The following ZNF223 variants were observed in gnomAD, a reference collection of about 807,000 sequenced individuals.
ZNF223 encodes the protein zinc finger protein 223.
ZNF223 carries 9 observed loss-of-function variants against 12.3 expected under a neutral mutation model. The observed-to-expected ratio is 0.73, with a 90% CI of 0.44 to 1.28. The LOEUF (loss-of-function observed/expected upper bound fraction) is 1.28. ZNF223 is among the 50% of genes most tolerant of loss of function. ZNF223 has a pLI of 0.00. For missense variants in ZNF223, 506 were observed against 579.0 expected, an observed-to-expected ratio of 0.87 and a Z score of 1.29; for synonymous variants, 171 against 195.2, an observed-to-expected ratio of 0.88 and a Z score of 1.03.
chr19:44,065,220 T>C (rs1976890109), intron 4 of ZNF223, among the ~76,000 whole-genome samples: 2 of 152,238 alleles, frequency 1.3e-5, no homozygotes, highest in African/African-American at 4.8e-5. Context: ...TCTCAGATAC[T>C]GAGGACAAAG....
chr19:44,065,912 G>A, intron 4 of ZNF223, 152 bp from the exon 5 acceptor site: 1 of 1,349,018 alleles, frequency 7.4e-7, no homozygotes, highest in Non-Finnish European at 9.8e-7. Context: ...TATGGTTTTA[G>A]ATTACTCTCA....
intron 1 of ZNF223, among the ~76,000 whole-genome samples, chr19:44,052,400 GTC>G (rs1976712797): frequency 6.6e-6 from 1 of 152,176 alleles, no homozygotes; most frequent in Non-Finnish European, 1.5e-5. Context: ...GAATGTTAAT[GTC>G]TCTGTACTTC....
rs780840827 is a variant in ZNF223 at position 44,066,257 on chromosome 19, A to C, written c.429A>C (p.Thr143=). ...QVEEGLSIMH[T]GQKPSNCGKC... is the part of the protein sequence containing the mutation. ...AGGAAGGACTATCTATAATGCACACAGGACAGAAACCTTCCAATTGTGGGA... is the reference window on the plus strand; with the variant it reads ...AGGAAGGACTATCTATAATGCACACCGGACAGAAACCTTCCAATTGTGGGA... Residue 143 remains threonine (T), a synonymous_variant, in exon 5 of 5, where the codon ACA becomes ACC. Coordinates refer to ENST00000434772, the MANE Select transcript of ZNF223 (RefSeq NM_013361.6). 3.7e-6 allele frequency: 6 copies of C among 1,614,158 alleles called. No homozygotes were observed. The East Asian group carries it at 1.3e-4, about 36-fold the overall frequency.
At chr19:44,061,739 C>A (rs1459478713) in intron 4 of ZNF223, among the ~76,000 whole-genome samples, 1 of 152,210 alleles carries the variant, frequency 6.6e-6, no homozygotes, top group Non-Finnish European at 1.5e-5. Context: ...CTTTCAGGAA[C>A]AATTATGTTC....
chr19:44,055,261 TGC>T, intron 2 of ZNF223, 70 bp downstream of exon 2: 1 of 1,565,412 alleles, frequency 6.4e-7, no homozygotes, highest in African/African-American at 1.3e-5. Context: ...TGTTTTTCTC[TGC>T]CCTGGGAAGA....
chr19:44,055,128 G>A lies in ZNF223; in HGVS notation c.-49G>A. 1 of 1,603,422 alleles carries A rather than the reference G, an allele frequency of 6.2e-7. No individual in the cohort carries two copies. The highest frequency in any genetic ancestry group is 8.5e-7 in the Non-Finnish European group (1 of 1,171,720). On this transcript the variant is annotated 5_prime_UTR_variant, in exon 2 of 5. An upstream open reading frame in the 5' UTR gains an earlier in-frame stop. Coordinates refer to ENST00000434772, the MANE Select transcript of ZNF223 (RefSeq NM_013361.6). ...TTCCAGGCACAATTCTGCTTTCCCT[G>A]GAACTGTGTCATTCAGGACTCTGCA...
intron 2 of ZNF223, among the ~76,000 whole-genome samples, chr19:44,059,837 A>T (rs1400249801): frequency 2.0e-5 from 3 of 152,162 alleles, no homozygotes; most frequent in Non-Finnish European, 4.4e-5. Flanking sequence ...GTACCATCAG[A>T]AGGACCCTGG....
At chr19:44,057,481 GA>G (rs1333119686) in intron 2 of ZNF223, among the ~76,000 whole-genome samples, 2 of 152,132 alleles carry the variant, frequency 1.3e-5, no homozygotes, top group South Asian at 4.1e-4. Flanking sequence ...ATGGAACCCT[GA>G]AATAGATAAT....
intron 1 of ZNF223, among the ~76,000 whole-genome samples, chr19:44,052,399 T>C (rs913855077): frequency 7.2e-5 from 11 of 152,232 alleles, no homozygotes; most frequent in Non-Finnish European, 1.5e-4. Flanking sequence ...GGAATGTTAA[T>C]GTCTCTGTAC....
Position 44,066,945 on chromosome 19 carries a change from A to T in ZNF223, c.1117A>T (p.Lys373Ter). 1 of 1,614,232 alleles carries T rather than the reference A, an allele frequency of 6.2e-7. No individual in the cohort carries two copies. The highest frequency in any genetic ancestry group is 8.5e-7 in the Non-Finnish European group (1 of 1,180,040). The change falls in exon 5 of 5, where the codon AAA becomes TAA. Residue 373 changes from lysine (K) to a stop codon, truncating the protein, a stop_gained. Coordinates refer to ENST00000434772, the MANE Select transcript of ZNF223 (RefSeq NM_013361.6). LOFTEE classifies it low-confidence loss of function (END_TRUNC). Reference protein sequence around the residue: ...QRVHTGEKPYKCDKCGKSYIT... With the variant: ...QRVHTGEKPY The stretch of plus-strand genomic sequence containing the variant: ...AGTCCACACTGGAGAAAAGCCATAC[A>T]AATGTGACAAGTGTGGGAAGAGCTA...
At chr19:44,053,529 T>C (rs1344743531) in intron 1 of ZNF223, among the ~76,000 whole-genome samples, 3 of 152,222 alleles carry the variant, frequency 2.0e-5, no homozygotes, top group Non-Finnish European at 2.9e-5. Context: ...AAGGCGGTTT[T>C]CTCCTATCTC....
chr19:44,056,961 A>G (rs1976778073), intron 2 of ZNF223, among the ~76,000 whole-genome samples: 1 of 152,232 alleles, frequency 6.6e-6, no homozygotes, highest in South Asian at 2.1e-4. Context: ...TTGGATAGTT[A>G]AGGAAGAATA....
chr19:44,067,512 C>A lies in ZNF223; in HGVS notation c.*235C>A. On this transcript the variant is annotated 3_prime_UTR_variant, in exon 5 of 5. Transcript: ENST00000434772. ...TCTTATCTACCTGTACTTTTGCATC[C>A]ATTAGCCAACCTTTGGCCATCCCAC... The A allele has an allele frequency of 1.7e-6, 1 of 575,644 alleles. No individual in the cohort carries two copies. The highest frequency in any genetic ancestry group is 1.6e-5 in the South Asian group (1 of 62,902). The allele number at this position is 575,644 out of a possible 1,614,324, so 35.7% of individuals were successfully genotyped here. A position where few individuals can be genotyped will look rare whatever the true frequency, so the allele number is the denominator to read the frequency against.
intron 4 of ZNF223, among the ~76,000 whole-genome samples, chr19:44,063,007 T>A (rs1403214672): frequency 1.3e-5 from 2 of 152,204 alleles, no homozygotes; most frequent in African/African-American, 4.8e-5. Flanking sequence ...AGGACAGGCT[T>A]TTTGTTTATT....
At chr19:44,059,325 C>T (rs1415720282) in intron 2 of ZNF223, among the ~76,000 whole-genome samples, 1 of 152,166 alleles carries the variant, frequency 6.6e-6, no homozygotes, top group African/African-American at 2.4e-5. Context: ...TGTGATTCTG[C>T]TGCCTTACAC....
chr19:44,052,137 C>A lies in ZNF223; in HGVS notation c.-127C>A. The A allele has an allele frequency of 6.5e-6, 1 of 154,312 alleles. No homozygotes were observed. Among genetic ancestry groups the A allele is most frequent in the South Asian group, 1.8e-4 (1 of 5,604 alleles). 9.6% of individuals were successfully genotyped at this position (154,312 alleles called of 1,614,324 possible). On this transcript the variant is annotated 5_prime_UTR_variant, in exon 1 of 5. Transcript: ENST00000434772. ...CCTTTGCTTGAGGCTCGCAACCACC[C>A]GATGATCGATGATCGTCTCAGGGGA...
chr19:44,065,616 C>T (rs550524839), intron 4 of ZNF223, among the ~76,000 whole-genome samples: 214 of 139,666 alleles, frequency 1.5e-3, no homozygotes, highest in Non-Finnish European at 2.0e-3. Context: ...CTCACTGTGT[C>T]GCCCAGGCTG....
In ZNF223 at chr19:44,055,190, A is replaced by G. The variant is rs1157990802; in HGVS notation, c.14A>G (p.Lys5Arg). 1.1e-5 allele frequency: 17 copies of G among 1,613,494 alleles called. No homozygotes were observed. Among genetic ancestry groups the G allele is most frequent in the Non-Finnish European group, 1.4e-5 (16 of 1,179,642 alleles). The part of the protein sequence containing the change: MTMS[K>R]EAVTFKDVAV... ...GTAGGAGGAAAAATGACCATGTCCA[A>G]GGTAAGTAGGACTTGCCTCTCTTAC... Residue 5 changes from lysine to arginine, a missense_variant and splice_region_variant, in exon 2 of 5, where the codon AAG (lysine) becomes AGG (arginine). Transcript: ENST00000434772.
intron 2 of ZNF223, among the ~76,000 whole-genome samples, chr19:44,057,158 A>G (rs1976780478): frequency 6.6e-6 from 1 of 152,182 alleles, no homozygotes; most frequent in Non-Finnish European, 1.5e-5. Context: ...AGATTACAAA[A>G]CCATGGGAAT....
Sources: gnomAD v4.1 joint callset for allele counts (sites outside exome capture counted in the v4.1 genomes callset) on GRCh38, gnomAD v4.1.1 for gene constraint, MANE v1.5 for transcripts, NCBI Gene and HGNC (gene_info 2026-07-23, HGNC 2026-07-21) for gene names.